The following KCNH7 variants were observed in gnomAD, a reference collection of about 807,000 sequenced individuals.
The protein encoded by KCNH7 is voltage-gated inwardly rectifying potassium channel KCNH7.
Under a neutral mutation model 120.8 loss-of-function variants are expected in KCNH7, and 49 were observed. That is an observed-to-expected ratio of 0.41 (90% confidence interval 0.32 to 0.51). The LOEUF is 0.51. Among genes scored for constraint, KCNH7 ranks in the 20% least tolerant of loss-of-function variants. The pLI is 0.38. For synonymous variants in KCNH7, 547 were observed against 516.1 expected, an observed-to-expected ratio of 1.06 and a Z score of -0.81; for missense variants, 1,097 against 1,446.6, an observed-to-expected ratio of 0.76 and a Z score of 3.92.
intron 3 of KCNH7, among the ~76,000 whole-genome samples, chr2:162,532,515 C>A (rs1033487727): frequency 2.0e-5 from 3 of 151,900 alleles, no homozygotes; most frequent in Non-Finnish European, 4.4e-5. Flanking sequence ...CAATATTGAC[C>A]AGAGTCACAA....
intron 7 of KCNH7, among the ~76,000 whole-genome samples, chr2:162,438,772 T>C (rs1239712850): frequency 6.6e-6 from 1 of 152,198 alleles, no homozygotes; most frequent in Non-Finnish European, 1.5e-5. Flanking sequence ...TACAGTTGTG[T>C]ATAACACATC....
intron 2 of KCNH7, among the ~76,000 whole-genome samples, chr2:162,585,937 A>G (rs1694007597): frequency 6.6e-6 from 1 of 152,042 alleles, no homozygotes; most frequent in African/African-American, 2.4e-5. Context: ...ATCTCACAAT[A>G]CCTTAAAGCG....
intron 9 of KCNH7, among the ~76,000 whole-genome samples, chr2:162,406,246 G>A (rs953617920): frequency 9.9e-5 from 15 of 151,794 alleles, no homozygotes; most frequent in Admixed American, 3.9e-4. Context: ...GGCTCCTTCC[G>A]TAGGATTGTA....
chr2:162,724,325 T>C (rs1052903868), intron 2 of KCNH7, among the ~76,000 whole-genome samples: 1 of 152,200 alleles, frequency 6.6e-6, no homozygotes, highest in Non-Finnish European at 1.5e-5. Context: ...TAAAGTTGAA[T>C]TTATAAATTA....
intron 2 of KCNH7, among the ~76,000 whole-genome samples, chr2:162,643,118 T>C (rs2105241062): frequency 6.6e-6 from 1 of 152,296 alleles, no homozygotes; most frequent in South Asian, 2.1e-4. Flanking sequence ...TTTGAAATAT[T>C]TTAATGACTC....
intron 2 of KCNH7, among the ~76,000 whole-genome samples, chr2:162,599,485 T>C (rs2105948422): frequency 6.6e-6 from 1 of 152,042 alleles, no homozygotes; most frequent in South Asian, 2.1e-4. Flanking sequence ...GTGACCTAAA[T>C]TCTCTATGAT....
chr2:162,610,686 C>A (rs1196418167), intron 2 of KCNH7, among the ~76,000 whole-genome samples: 1 of 152,124 alleles, frequency 6.6e-6, no homozygotes. Flanking sequence ...CTTCATTTAT[C>A]TCATCTCTGC....
chr2:162,460,622 G>A (rs1320162338), intron 6 of KCNH7, among the ~76,000 whole-genome samples: 1 of 152,154 alleles, frequency 6.6e-6, no homozygotes, highest in Non-Finnish European at 1.5e-5. Context: ...CAGAAGCTCA[G>A]AGACCATCAT....
At chr2:162,806,230 T>C (rs1684535659) in intron 2 of KCNH7, among the ~76,000 whole-genome samples, 1 of 152,016 alleles carries the variant, frequency 6.6e-6, no homozygotes, top group African/African-American at 2.4e-5. Flanking sequence ...TCAAAAGCTA[T>C]CGAAATTTTA....
chr2:162,373,171 C>G (rs1055076474), intron 15 of KCNH7, among the ~76,000 whole-genome samples: 2 of 152,090 alleles, frequency 1.3e-5, no homozygotes, highest in African/African-American at 4.8e-5. Flanking sequence ...CAAAGCTCTA[C>G]CACATGTAAA....
intron 2 of KCNH7, among the ~76,000 whole-genome samples, chr2:162,753,550 G>T (rs1688683427): frequency 6.6e-6 from 1 of 151,994 alleles, no homozygotes; most frequent in South Asian, 2.1e-4. Context: ...GTGCTAAAGT[G>T]AATCCAACAA....
chr2:162,691,968 A>ATTTT (rs538895250), intron 2 of KCNH7, among the ~76,000 whole-genome samples: 2 of 152,036 alleles, frequency 1.3e-5, no homozygotes, highest in Non-Finnish European at 2.9e-5. Context: ...AAAAGCTTAC[A>ATTTT]TTTTTCTCCT....
At chr2:162,691,983 T>C (rs560552202) in intron 2 of KCNH7, among the ~76,000 whole-genome samples, 11 of 152,312 alleles carry the variant, frequency 7.2e-5, no homozygotes, top group African/African-American at 2.6e-4. Flanking sequence ...TCTCCTGTGA[T>C]TTCTACTGCT....
chr2:162,529,913 G>T (rs1691856752), intron 3 of KCNH7, among the ~76,000 whole-genome samples: 1 of 151,624 alleles, frequency 6.6e-6, no homozygotes, highest in Admixed American at 6.6e-5. Flanking sequence ...CAATTAATTG[G>T]CTCATTTATT....
chr2:162,477,926 C>T (rs1303174568), intron 6 of KCNH7, among the ~76,000 whole-genome samples: 1 of 149,024 alleles, frequency 6.7e-6, no homozygotes, highest in Non-Finnish European at 1.5e-5. Context: ...AAAGACACAG[C>T]CCCTGTCCTC....
At chr2:162,617,336 G>A (rs1485003546) in intron 2 of KCNH7, among the ~76,000 whole-genome samples, 5 of 152,028 alleles carry the variant, frequency 3.3e-5, no homozygotes, top group East Asian at 1.9e-4. Context: ...AAAATTAGCC[G>A]GGCGTGGTGG....
At chr2:162,546,916 C>T (rs1195581925) in intron 2 of KCNH7, among the ~76,000 whole-genome samples, 3 of 151,950 alleles carry the variant, frequency 2.0e-5, no homozygotes, top group South Asian at 2.1e-4. Flanking sequence ...CAAGTAATGC[C>T]GCTCAGGCAT....
chr2:162,606,259 G>A (rs1682762821), intron 2 of KCNH7, among the ~76,000 whole-genome samples: 1 of 151,776 alleles, frequency 6.6e-6, no homozygotes, highest in Admixed American at 6.6e-5. Context: ...CTGTAGCCCA[G>A]GAGAAACAAA....
intron 2 of KCNH7, among the ~76,000 whole-genome samples, chr2:162,686,982 G>A (rs1313661862): frequency 6.6e-6 from 1 of 152,102 alleles, no homozygotes; most frequent in Non-Finnish European, 1.5e-5. Context: ...AGTTGTGGCT[G>A]CTAACAGTCC....
Sources: gnomAD v4.1 joint callset for allele counts (sites outside exome capture counted in the v4.1 genomes callset) on GRCh38, gnomAD v4.1.1 for gene constraint, MANE v1.5 for transcripts, NCBI Gene and HGNC (gene_info 2026-07-23, HGNC 2026-07-21) for gene names.